Variants in RRAS2 observed in about 807,000 individuals in gnomAD.
RRAS2 encodes ras-related protein R-Ras2.
In RRAS2, 7 loss-of-function variants were observed where a neutral mutation model predicts 27.6. The observed-to-expected ratio is 0.25, with a 90% CI of 0.14 to 0.48. The LOEUF (loss-of-function observed/expected upper bound fraction) is 0.48, where lower values mean the gene tolerates loss of function less well. RRAS2 is among the 20% of genes least tolerant of loss of function. The pLI, the probability that RRAS2 is intolerant of heterozygous loss-of-function variation, is 0.99. For synonymous variants in RRAS2, 86 were observed against 90.9 expected (o/e 0.95, Z 0.31); for missense variants, 178 against 256.2 (o/e 0.69, Z 2.08).
At chr11:14,323,206 G>A (rs953357280) in intron 1 of RRAS2, among the ~76,000 whole-genome samples, 7 of 152,164 alleles carry the variant, frequency 4.6e-5, no homozygotes, top group Non-Finnish European at 8.8e-5. Context: ...CAACACTTTG[G>A]GAGGCTGAGA....
chr11:14,282,270 A>G (rs1423774522), intron 4 of RRAS2, among the ~76,000 whole-genome samples: 1 of 152,218 alleles, frequency 6.6e-6, no homozygotes, highest in East Asian at 1.9e-4. Context: ...AGAAAAGTGT[A>G]AGTTTCAGAG....
intron 2 of RRAS2, 69 bp downstream of exon 2, chr11:14,295,699 C>T (rs782339119): frequency 2.5e-6 from 3 of 1,176,956 alleles, no homozygotes; most frequent in Non-Finnish European, 3.6e-6. Context: ...TTTAACATAG[C>T]AAAACATCAG....
chr11:14,314,614 T>C (rs191307501), intron 1 of RRAS2, among the ~76,000 whole-genome samples: 9 of 152,334 alleles, frequency 5.9e-5, no homozygotes, highest in South Asian at 2.1e-4. Context: ...ATAGCAAATG[T>C]TGAAATACTG....
At chr11:14,307,143 A>G (rs11606558) in intron 1 of RRAS2, among the ~76,000 whole-genome samples, 45,062 of 151,152 alleles carry the variant, frequency 0.3, 7,650 homozygotes, top group South Asian at 0.43. Flanking sequence ...GTGAGCAGTG[A>G]TTGTGCCACT....
intron 1 of RRAS2, among the ~76,000 whole-genome samples, chr11:14,338,992 T>A (rs1255153444): frequency 3.3e-5 from 5 of 152,258 alleles, no homozygotes; most frequent in East Asian, 1.9e-4. Context: ...AAGTTACCCA[T>A]GCTGAATGAA....
At chr11:14,332,238 A>G (rs1848494419) in intron 1 of RRAS2, among the ~76,000 whole-genome samples, 1 of 152,254 alleles carries the variant, frequency 6.6e-6, no homozygotes, top group South Asian at 2.1e-4. Context: ...GGGCAGCTTT[A>G]TTCACAGTTA....
chr11:14,328,611 A>G (rs1383113511), intron 1 of RRAS2, among the ~76,000 whole-genome samples: 1 of 152,180 alleles, frequency 6.6e-6, no homozygotes, highest in Admixed American at 6.5e-5. Flanking sequence ...AGTAAAAAAT[A>G]TATACATGAC....
At chr11:14,317,580 CAAAAT>C (rs1554949712) in intron 1 of RRAS2, among the ~76,000 whole-genome samples, 1 of 152,038 alleles carries the variant, frequency 6.6e-6, no homozygotes, top group East Asian at 1.9e-4. Flanking sequence ...AACTCCATCC[CAAAAT>C]AAAATAAAAT....
chr11:14,327,823 T>C (rs971256535), intron 1 of RRAS2, among the ~76,000 whole-genome samples: 10 of 141,562 alleles, frequency 7.1e-5, no homozygotes, highest in African/African-American at 2.6e-4. Flanking sequence ...AGAAAAAAAA[T>C]TCAAGGATGA....
chr11:14,279,401 G>C lies in RRAS2; in HGVS notation c.551C>G (p.Pro184Arg), dbSNP rs1384357948. 2 of 1,611,972 alleles carry C rather than the reference G, an allele frequency of 1.2e-6. No individual in the cohort carries two copies. Among genetic ancestry groups the C allele is most frequent in the African/African-American group, 2.7e-5 (2 of 74,982 alleles). ...TTTCCGTGTTGGTTCTGGTGAAGGA[G>C]GACATTCCTGCTCTTGAAATTTCCT... ...VIRKFQEQEC[P>R]PSPEPTRKEK... Residue 184 changes from proline to arginine, a missense_variant, in exon 6 of 6, where the codon CCT becomes CGT. Pro to Arg is a moderately radical substitution (Grantham distance 103). Coordinates refer to ENST00000256196, the MANE Select transcript of RRAS2 (RefSeq NM_012250.6).
chr11:14,283,868 T>G (rs1849603557), intron 4 of RRAS2, among the ~76,000 whole-genome samples: 1 of 152,104 alleles, frequency 6.6e-6, no homozygotes, highest in Admixed American at 6.6e-5. Context: ...ATTTTTTATT[T>G]TTTTTGGTAG....
intron 1 of RRAS2, among the ~76,000 whole-genome samples, chr11:14,332,090 T>C (rs541447185): frequency 6.6e-5 from 10 of 152,214 alleles, no homozygotes; most frequent in African/African-American, 9.6e-5. Context: ...TGTAAAATGG[T>C]ACAACCATTT....
intron 1 of RRAS2, among the ~76,000 whole-genome samples, chr11:14,326,717 T>G (rs1554951043): frequency 6.6e-6 from 1 of 152,218 alleles, no homozygotes; most frequent in African/African-American, 2.4e-5. Context: ...ATGTCGTATC[T>G]TAAATCACTT....
At position 14,296,019 on chromosome 11, in the gene RRAS2, T is replaced by A. The variant is rs28379181; in HGVS notation, c.109-164A>T. ...AAGACTCTTATCTCTTAAAAAAAAA[T>A]TAAAAAATTAAAAAATTAGCCGACG... On this transcript the variant is annotated intron_variant, in intron 1 of 5. Transcript: ENST00000256196. 4.5e-6 allele frequency: 2 copies of A among 446,870 alleles called. No individual in the cohort carries two copies. Among genetic ancestry groups the A allele is most frequent in the African/African-American group, 4.0e-5 (2 of 49,802 alleles). 27.7% of individuals were successfully genotyped at this position (446,870 alleles called of 1,614,324 possible). A position where few individuals can be genotyped will look rare whatever the true frequency, so the allele number is the denominator to read the frequency against.
At chr11:14,352,756 TAGAGAGAG>T (rs370730897) in intron 1 of RRAS2, among the ~76,000 whole-genome samples, 9 of 128,676 alleles carry the variant, frequency 7.0e-5, no homozygotes, top group East Asian at 2.2e-4. Flanking sequence ...TATATATATA[TAGAGAGAG>T]AGAGAGAGAG....
Position 14,294,498 on chromosome 11 carries a change from A to G in RRAS2, c.381T>C (p.Asn127=), listed in dbSNP as rs1554946277. The G allele has an allele frequency of 1.9e-6, 3 of 1,597,128 alleles. No homozygotes were observed. The highest frequency in any genetic ancestry group is 1.2e-5 in the South Asian group (1 of 86,774). ...RDEFPMILIG[N]KADLDHQRQV... is the part of the protein sequence containing the mutation. Reference sequence around the variant, plus strand: ...GTCTTTGATGATCCAGATCTGCTTTATTACCAATTAAAATCATTGGGAACT... The same window carrying G: ...GTCTTTGATGATCCAGATCTGCTTTGTTACCAATTAAAATCATTGGGAACT... Residue 127 remains asparagine, a synonymous_variant, in exon 4 of 6, where the codon AAT becomes AAC. Coordinates refer to ENST00000256196, the MANE Select transcript of RRAS2 (RefSeq NM_012250.6).
intron 1 of RRAS2, among the ~76,000 whole-genome samples, chr11:14,341,030 T>C (rs558390018): frequency 6.6e-6 from 1 of 152,294 alleles, no homozygotes; most frequent in South Asian, 2.1e-4. Flanking sequence ...GACCACGGCA[T>C]TTTTTCTAAT....
intron 1 of RRAS2, among the ~76,000 whole-genome samples, chr11:14,315,607 A>G (rs1848083643): frequency 6.6e-6 from 1 of 152,224 alleles, no homozygotes; most frequent in Non-Finnish European, 1.5e-5. Context: ...ATGTATCCAC[A>G]TTGGTTCATT....
chr11:14,296,905 T>TA (rs1847569024), intron 1 of RRAS2, among the ~76,000 whole-genome samples: 1 of 152,066 alleles, frequency 6.6e-6, no homozygotes, highest in Non-Finnish European at 1.5e-5. Flanking sequence ...AAAAGGGTTT[T>TA]AAAAAATCAG....
Sources: gnomAD v4.1 joint callset for allele counts (sites outside exome capture counted in the v4.1 genomes callset) on GRCh38, gnomAD v4.1.1 for gene constraint, MANE v1.5 for transcripts, NCBI Gene and HGNC (gene_info 2026-07-23, HGNC 2026-07-21) for gene names.